Variants in COL14A1 observed in about 807,000 individuals in gnomAD.
The protein encoded by COL14A1 is collagen type XIV alpha 1 chain.
Under a neutral mutation model 230.3 loss-of-function variants are expected in COL14A1, and 136 were observed. The observed-to-expected ratio is 0.59, with a 90% confidence interval of 0.51 to 0.68. The LOEUF is 0.68. Among genes scored for constraint, COL14A1 ranks in the 30% least tolerant of loss-of-function variants. COL14A1 has a pLI of 0.00. For missense variants in COL14A1, 1,976 were observed against 2,215.8 expected (o/e 0.89, Z 2.17); for synonymous variants, 792 against 784.1 (o/e 1.01, Z -0.17).
chr8:120,176,944 A>G (rs958207652), intron 5 of COL14A1, among the ~76,000 whole-genome samples: 4 of 152,164 alleles, frequency 2.6e-5, no homozygotes, highest in Non-Finnish European at 5.9e-5. Context: ...CAGCAACAAC[A>G]TCAAGGTGAA....
At chr8:120,154,944 C>A (rs1255336960) in intron 2 of COL14A1, among the ~76,000 whole-genome samples, 1 of 152,166 alleles carries the variant, frequency 6.6e-6, no homozygotes, top group Non-Finnish European at 1.5e-5. Context: ...TGGCTCCAGT[C>A]CCAGTGCCTT....
rs11987656 is a variant in COL14A1, at chr8:120,162,598, C to G, written c.349+29C>G. On this transcript the variant is annotated intron_variant, in intron 4 of 47. Transcript: ENST00000297848. Reference sequence around the variant, plus strand: ...CGTATTTACAGTTCTCAAAGCACCTCCGCAGGACTCTGTCCCAGCCTTGGA... The same window carrying G: ...CGTATTTACAGTTCTCAAAGCACCTGCGCAGGACTCTGTCCCAGCCTTGGA... The G allele has an allele frequency of 0.08, 125,515 of 1,559,966 alleles. 5,797 individuals are homozygous for G. The highest frequency in any genetic ancestry group is 0.094 in the Non-Finnish European group (108,234 of 1,154,848).
At chr8:120,173,051 G>A (rs542500990) in intron 5 of COL14A1, among the ~76,000 whole-genome samples, 1 of 152,218 alleles carries the variant, frequency 6.6e-6, no homozygotes, top group East Asian at 1.9e-4. Flanking sequence ...TCTTGCCTGA[G>A]TCAGTAACTA....
At chr8:120,274,279 C>T (rs983189935) in intron 26 of COL14A1, among the ~76,000 whole-genome samples, 2 of 151,754 alleles carry the variant, frequency 1.3e-5, no homozygotes, top group African/African-American at 4.8e-5. Context: ...TCCAGCATCC[C>T]TTTATGATAA....
At chr8:120,149,420 T>G (rs1219473302) in intron 2 of COL14A1, among the ~76,000 whole-genome samples, 1 of 152,164 alleles carries the variant, frequency 6.6e-6, no homozygotes, top group East Asian at 1.9e-4. Context: ...ACATTCTGCT[T>G]ATGTTATTTA....
chr8:120,198,680 C>T (rs965790148), intron 7 of COL14A1, among the ~76,000 whole-genome samples: 19 of 152,130 alleles, frequency 1.2e-4, no homozygotes, highest in African/African-American at 3.9e-4. Flanking sequence ...AAATCCAAAA[C>T]GATTCTGGTC....
chr8:120,301,821 A>T (rs539344353), intron 36 of COL14A1, among the ~76,000 whole-genome samples: 1 of 152,246 alleles, frequency 6.6e-6, no homozygotes, highest in East Asian at 1.9e-4. Flanking sequence ...ACTCCCACCA[A>T]CAGTGTATAA....
intron 34 of COL14A1, among the ~76,000 whole-genome samples, chr8:120,296,895 TGC>T (rs1820546115): frequency 6.6e-6 from 1 of 151,990 alleles, no homozygotes. Context: ...CATATTTATG[TGC>T]TCCCCTCTCA....
intron 22 of COL14A1, among the ~76,000 whole-genome samples, chr8:120,254,657 T>A (rs572902952): frequency 2.6e-5 from 4 of 152,096 alleles, no homozygotes; most frequent in African/African-American, 9.6e-5. Context: ...CATCTGGTCT[T>A]TTTTCTATCA....
chr8:120,278,598 G>C lies in COL14A1; in HGVS notation c.3481+20G>C. On this transcript the variant is annotated intron_variant, in intron 28 of 47. Transcript: ENST00000297848. Reference sequence around the variant, plus strand: ...TAGATGGTAAGATATATAAACAATAGTGGCTACCAAATATGATGTTAGAAT... The same window carrying C: ...TAGATGGTAAGATATATAAACAATACTGGCTACCAAATATGATGTTAGAAT... 6.2e-7 allele frequency: 1 copy of C among 1,603,166 alleles called. No individual in the cohort carries two copies. The highest frequency in any genetic ancestry group is 8.5e-7 in the Non-Finnish European group (1 of 1,173,522).
intron 3 of COL14A1, among the ~76,000 whole-genome samples, chr8:120,161,622 A>T (rs1027150627): frequency 6.6e-6 from 1 of 152,134 alleles, no homozygotes; most frequent in Non-Finnish European, 1.5e-5. Flanking sequence ...GTAGAAAAAA[A>T]TTCCAGTGTA....
chr8:120,130,401 T>G (rs1814489083), intron 1 of COL14A1, among the ~76,000 whole-genome samples: 1 of 152,120 alleles, frequency 6.6e-6, no homozygotes, highest in Admixed American at 6.5e-5. Context: ...TTTCTCTCTT[T>G]TCCCCTTATT....
chr8:120,318,115 G>T (rs1821299148), intron 40 of COL14A1, among the ~76,000 whole-genome samples: 1 of 152,152 alleles, frequency 6.6e-6, no homozygotes, highest in South Asian at 2.1e-4. Context: ...ACATAATGGT[G>T]CCCCTGAAAT....
In COL14A1 at chr8:120,293,574, AGGTCCC is replaced by A. The variant is rs573642707; in HGVS notation, c.4236+3809_4236+3814del. ...ACTGAGACTTTAAGAAGCTAGGGTC[AGGTCCC>A]CTTTCAAAAAGTGAGAGTACTGAAA... On this transcript the variant is annotated intron_variant, in intron 34 of 47. Coordinates refer to ENST00000297848, the MANE Select transcript of COL14A1 (RefSeq NM_021110.4). Among the ~76,000 whole-genome samples the A allele has an allele frequency of 7.2e-4, 110 of 151,938 alleles. 1 individual carries two copies. The highest frequency in any genetic ancestry group is 9.6e-4 in the Non-Finnish European group (65 of 67,756).
At chr8:120,280,276 T>C (rs914299352) in intron 29 of COL14A1, among the ~76,000 whole-genome samples, 177 bp downstream of exon 29, 8 of 152,170 alleles carry the variant, frequency 5.3e-5, no homozygotes, top group Non-Finnish European at 8.8e-5. Context: ...TCCCCTCCTC[T>C]GTTTAGAGTT....
intron 21 of COL14A1, among the ~76,000 whole-genome samples, chr8:120,248,199 TA>T (rs1178857165): frequency 1.3e-5 from 2 of 151,828 alleles, no homozygotes; most frequent in East Asian, 1.9e-4. Context: ...GGAAATGGAA[TA>T]GGGGGAAGAA....
chr8:120,370,831 A>G (rs1823561938), intron 47 of COL14A1: 4 of 1,351,648 alleles, frequency 3.0e-6, no homozygotes, highest in Non-Finnish European at 2.9e-6. Context: ...GACTTCTAAC[A>G]TGAGATTTTT....
At chr8:120,213,360 C>G (rs1443504480) in intron 13 of COL14A1, among the ~76,000 whole-genome samples, 1 of 152,082 alleles carries the variant, frequency 6.6e-6, no homozygotes, top group Non-Finnish European at 1.5e-5. Flanking sequence ...TCTTGCTCAC[C>G]ACTCTTCTCC....
chr8:120,153,231 C>T (rs572743349), intron 2 of COL14A1, among the ~76,000 whole-genome samples: 2 of 152,282 alleles, frequency 1.3e-5, no homozygotes, highest in East Asian at 1.9e-4. Context: ...CTTGCTATGT[C>T]GCCCAGGCTG....
Sources: gnomAD v4.1 joint callset for allele counts (sites outside exome capture counted in the v4.1 genomes callset) on GRCh38, gnomAD v4.1.1 for gene constraint, MANE v1.5 for transcripts, NCBI Gene and HGNC (gene_info 2026-07-23, HGNC 2026-07-21) for gene names.